GALK2: variants seen among roughly 807,000 people sequenced by gnomAD.
The protein encoded by GALK2 is galactokinase 2.
GALK2 carries 36 observed loss-of-function variants against 52.4 expected under a neutral mutation model. That is an observed-to-expected ratio of 0.69 (90% CI 0.53 to 0.91). The LOEUF is 0.91. Ranked by LOEUF, GALK2 falls within the 40% of genes least tolerant of loss-of-function variation. The pLI, the probability that GALK2 is intolerant of heterozygous loss-of-function variation, is 0.00. For missense variants in GALK2, 579 were observed against 559.1 expected, an observed-to-expected ratio of 1.04 and a Z score of -0.36; for synonymous variants, 176 against 199.1, an observed-to-expected ratio of 0.88 and a Z score of 0.98.
intron 5 of GALK2, among the ~76,000 whole-genome samples, chr15:49,280,250 ATAATAGAGTTAT>A (rs1474668857): frequency 1.3e-5 from 2 of 152,210 alleles, no homozygotes; most frequent in Non-Finnish European, 2.9e-5. Flanking sequence ...TCAATACATG[ATAATAGAGTTAT>A]TAACAGGGAG....
At chr15:49,366,115 A>T in intron 3 of GALK2, 1 of 968,118 alleles carries the variant, frequency 1.0e-6, no homozygotes, top group Non-Finnish European at 1.7e-6. Context: ...CAACTAGTCC[A>T]CTCCAGTATC....
intron 5 of GALK2, among the ~76,000 whole-genome samples, chr15:49,269,814 T>C (rs2030129975): frequency 6.6e-6 from 1 of 152,236 alleles, no homozygotes; most frequent in African/African-American, 2.4e-5. Context: ...TGGACCACTC[T>C]AATCATTGGA....
Position 49,347,085 on chromosome 15 carries a change from G to A in GALK2, c.427-20406G>A, listed in dbSNP as rs117869964. Among the ~76,000 whole-genome samples the A allele has an allele frequency of 4.3e-3, 655 of 152,252 alleles. 1 individual carries two copies. Among genetic ancestry groups the A allele is most frequent in the Non-Finnish European group, 7.3e-3 (498 of 68,018 alleles). ...CTAGAATTATATGTAAAATAGGATT[G>A]CAGTTCTAGTAAGTTTCACTATTTA... On this transcript the variant is annotated intron_variant, in intron 3 of 3. Transcript: ENST00000558399.
chr15:49,327,209 C>CCAAT (rs1303237612), intron 9 of GALK2: 1 of 152,098 alleles, frequency 6.6e-6, no homozygotes, highest in African/African-American at 2.4e-5. Flanking sequence ...TGTTGTCATC[C>CCAAT]CAATCAGATA....
chr15:49,164,775 C>A (rs28437582), intron 1 of GALK2, among the ~76,000 whole-genome samples: 1 of 109,340 alleles, frequency 9.1e-6, no homozygotes, highest in African/African-American at 4.1e-5. Context: ...AGCAAAACTC[C>A]GTCTCAAAAA....
chr15:49,353,580 G>T (rs1480934569), intron 3 of GALK2: 1 of 149,634 alleles, frequency 6.7e-6, no homozygotes, highest in Non-Finnish European at 1.5e-5. Context: ...TTATGACATT[G>T]ACACCCAATT....
At chr15:49,310,254 G>A (rs2035882053) in intron 8 of GALK2, among the ~76,000 whole-genome samples, 1 of 152,046 alleles carries the variant, frequency 6.6e-6, no homozygotes, top group Admixed American at 6.5e-5. Context: ...TCTATTATGT[G>A]TACATGCCAC....
intron 3 of GALK2, among the ~76,000 whole-genome samples, chr15:49,354,963 C>G (rs1016379598): frequency 2.6e-5 from 4 of 151,886 alleles, no homozygotes; most frequent in African/African-American, 9.7e-5. Context: ...CTGGGAGGCA[C>G]CCCCCAGCAG....
intron 2 of GALK2, among the ~76,000 whole-genome samples, chr15:49,209,307 T>C (rs367651280): frequency 8.5e-5 from 13 of 152,202 alleles, no homozygotes; most frequent in African/African-American, 2.7e-4. Flanking sequence ...CCTTTCCAAT[T>C]TGGATGCCCT....
intron 2 of GALK2, among the ~76,000 whole-genome samples, chr15:49,210,198 T>A (rs76885723): frequency 0.018 from 2,748 of 150,988 alleles, 79 homozygotes; most frequent in African/African-American, 0.064. Flanking sequence ...CTGTTTTTTT[T>A]AATTTTATTT....
intron 4 of GALK2, among the ~76,000 whole-genome samples, chr15:49,238,435 G>A (rs2090937422): frequency 6.6e-6 from 1 of 152,202 alleles, no homozygotes; most frequent in African/African-American, 2.4e-5. Flanking sequence ...ATTTGTGGCT[G>A]AATTCTAATT....
chr15:49,316,126 T>C (rs1413085022), intron 8 of GALK2, among the ~76,000 whole-genome samples: 1 of 152,200 alleles, frequency 6.6e-6, no homozygotes, highest in East Asian at 1.9e-4. Context: ...AAGAGACTTA[T>C]TAGACATAAC....
chr15:49,233,283 T>G (rs2090608478), intron 3 of GALK2, among the ~76,000 whole-genome samples: 1 of 152,002 alleles, frequency 6.6e-6, no homozygotes, highest in African/African-American at 2.4e-5. Context: ...CACAGACTTT[T>G]TAAATAACCA....
At chr15:49,195,502 A>G (rs1047518310) in intron 1 of GALK2, among the ~76,000 whole-genome samples, 2 of 152,072 alleles carry the variant, frequency 1.3e-5, no homozygotes, top group Admixed American at 6.6e-5. Context: ...TTTCTTTACC[A>G]TTCTAGTCTC....
chr15:49,337,739 A>G (rs1196813225), intron 3 of GALK2, among the ~76,000 whole-genome samples: 1 of 150,158 alleles, frequency 6.7e-6, no homozygotes, highest in African/African-American at 2.5e-5. Context: ...CTCATTGTTC[A>G]ATTCCCACTT....
chr15:49,349,221 G>C (rs1032306531), intron 3 of GALK2, among the ~76,000 whole-genome samples: 1 of 152,052 alleles, frequency 6.6e-6, no homozygotes, highest in Non-Finnish European at 1.5e-5. Context: ...TCTGGCTCAA[G>C]GTGGCTGACA....
At chr15:49,259,131 A>G (rs1049239830) in intron 5 of GALK2, among the ~76,000 whole-genome samples, 1 of 151,786 alleles carries the variant, frequency 6.6e-6, no homozygotes, top group African/African-American at 2.4e-5. Context: ...GATAAGCTAT[A>G]GAGGAGATGA....
intron 1 of GALK2, among the ~76,000 whole-genome samples, chr15:49,180,383 A>G (rs1159356528): frequency 6.6e-6 from 1 of 152,120 alleles, no homozygotes; most frequent in Non-Finnish European, 1.5e-5. Flanking sequence ...AATTGTACCA[A>G]TTCCTTTGGA....
At chr15:49,339,241 C>T (rs1052099515) in intron 3 of GALK2, among the ~76,000 whole-genome samples, 5 of 152,156 alleles carry the variant, frequency 3.3e-5, no homozygotes, top group Non-Finnish European at 2.9e-5. Context: ...AGTCTTTTTG[C>T]GCTGGTTTCT....
Sources: gnomAD v4.1 joint callset for allele counts (sites outside exome capture counted in the v4.1 genomes callset) on GRCh38, gnomAD v4.1.1 for gene constraint, MANE v1.5 for transcripts, NCBI Gene and HGNC (gene_info 2026-07-23, HGNC 2026-07-21) for gene names.